ENPP1: variants seen among roughly 807,000 people sequenced by gnomAD.
ENPP1 encodes ectonucleotide pyrophosphatase/phosphodiesterase family member 1.
In ENPP1, 73 loss-of-function variants were observed where a neutral mutation model predicts 122.8. That is an observed-to-expected ratio of 0.59 (90% CI 0.49 to 0.72). ENPP1 has a LOEUF of 0.72. ENPP1 is among the 30% of genes least tolerant of loss of function. ENPP1 has a pLI of 0.00. For missense variants in ENPP1, 978 were observed against 1,128.1 expected (o/e 0.87, Z 1.91); for synonymous variants, 367 against 391.6 (o/e 0.94, Z 0.74).
At chr6:131,884,865 T>C in intron 22 of ENPP1, 66 bp from the exon 23 acceptor site, 1 of 1,549,882 alleles carries the variant, frequency 6.5e-7, no homozygotes, top group Non-Finnish European at 8.9e-7. Flanking sequence ...ATGGTGTTAA[T>C]TTATTTCACA....
intron 1 of ENPP1, chr6:131,828,013 G>T: frequency 1.5e-6 from 1 of 686,028 alleles, no homozygotes; most frequent in Non-Finnish European, 2.7e-6. Context: ...ATAAGTTGCT[G>T]CAGGCTGCAA....
At chr6:131,886,473 A>G (rs1204966484) in intron 23 of ENPP1, 89 bp from the exon 24 acceptor site, 6 of 935,372 alleles carry the variant, frequency 6.4e-6, no homozygotes, top group South Asian at 3.0e-5. Context: ...TTTGATTTTT[A>G]TATGTATTAA....
chr6:131,889,226 A>T (rs1006583385), intron 24 of ENPP1, among the ~76,000 whole-genome samples: 3 of 152,184 alleles, frequency 2.0e-5, no homozygotes, highest in African/African-American at 4.8e-5. Flanking sequence ...CTTTTAAAAA[A>T]ATTTTCAACT....
At chr6:131,855,088 T>C in intron 6 of ENPP1, 65 bp downstream of exon 6, 1 of 1,191,024 alleles carries the variant, frequency 8.4e-7, no homozygotes, top group Non-Finnish European at 1.3e-6. Flanking sequence ...AGGCAGGCAG[T>C]CTTTCTTGGA....
chr6:131,861,560 A>T, intron 8 of ENPP1, 35 bp from the exon 9 acceptor site: 1 of 1,284,324 alleles, frequency 7.8e-7, no homozygotes, highest in Non-Finnish European at 1.1e-6. Context: ...GAATGTTTGC[A>T]TGATTTCTTA....
rs1385114650 is a variant in ENPP1, at chr6:131,872,147, T to A, written c.1437+46T>A. 1.2e-5 allele frequency: 16 copies of A among 1,294,328 alleles called. No homozygotes were observed. The Admixed American group carries it at 2.5e-4, about 20-fold the overall frequency. The allele number at this position is 1,294,328 out of a possible 1,614,324, so 80.2% of individuals were successfully genotyped here. A position where few individuals can be genotyped will look rare whatever the true frequency, so the allele number is the denominator to read the frequency against. ...TTATCTAGTTATTTTTACTTTTGTA[T>A]AATATATATTGAGAGAAAAGTTTCA... On this transcript the variant is annotated intron_variant, in intron 14 of 24. Coordinates refer to ENST00000647893, the MANE Select transcript of ENPP1 (RefSeq NM_006208.3).
intron 24 of ENPP1, 110 bp from the exon 25 acceptor site, chr6:131,890,231 A>G (rs1782449593): frequency 2.3e-6 from 2 of 876,998 alleles, no homozygotes; most frequent in African/African-American, 1.7e-5. Flanking sequence ...GGCACGTTCC[A>G]CTTCAGAGCT....
At chr6:131,858,404 G>A (rs1781976449) in intron 6 of ENPP1, among the ~76,000 whole-genome samples, 2 of 152,144 alleles carry the variant, frequency 1.3e-5, no homozygotes, top group Admixed American at 6.5e-5. Flanking sequence ...ATTATAACTT[G>A]TTCATCTTGA....
At chr6:131,840,540 C>T (rs1418998776) in intron 1 of ENPP1, among the ~76,000 whole-genome samples, 2 of 152,210 alleles carry the variant, frequency 1.3e-5, no homozygotes, top group African/African-American at 4.8e-5. Context: ...ACCCTATGCC[C>T]TCGTCACCAA....
At chr6:131,818,782 C>T (rs1347444641) in intron 1 of ENPP1, among the ~76,000 whole-genome samples, 1 of 152,090 alleles carries the variant, frequency 6.6e-6, no homozygotes, top group African/African-American at 2.4e-5. Context: ...GTACTGTTTT[C>T]TAGAGGAAAA....
intron 2 of ENPP1, among the ~76,000 whole-genome samples, chr6:131,848,114 A>G (rs1256778381): frequency 6.6e-6 from 1 of 152,156 alleles, no homozygotes; most frequent in Non-Finnish European, 1.5e-5. Flanking sequence ...CCAGGGACTC[A>G]GAGGACATTC....
chr6:131,882,970 G>A (rs975553966), intron 21 of ENPP1, among the ~76,000 whole-genome samples: 13 of 152,054 alleles, frequency 8.5e-5, no homozygotes, highest in African/African-American at 1.9e-4. Context: ...AAGAAAATGC[G>A]TTTGTCAGAG....
intron 24 of ENPP1, among the ~76,000 whole-genome samples, chr6:131,888,505 G>C (rs548169391): frequency 6.6e-6 from 1 of 152,130 alleles, no homozygotes; most frequent in East Asian, 1.9e-4. Flanking sequence ...CTCTTCTCTG[G>C]GCCCAAGAGT....
chr6:131,835,595 CATGTGCAGA>C (rs1160673870), intron 1 of ENPP1, among the ~76,000 whole-genome samples: 1 of 151,774 alleles, frequency 6.6e-6, no homozygotes, highest in African/African-American at 2.4e-5. Flanking sequence ...TTCAGTGGTA[CATGTGCAGA>C]ATGTGCAGGT....
In ENPP1 at chr6:131,851,198, C is replaced by G. The variant is rs748847180; in HGVS notation, c.487C>G (p.Leu163Val). 1 of 1,614,042 alleles carries G rather than the reference C, an allele frequency of 6.2e-7. No individual in the cohort carries two copies. The highest frequency in any genetic ancestry group is 8.5e-7 in the Non-Finnish European group (1 of 1,179,932). The stretch of plus-strand genomic sequence containing the variant: ...TGGTGAGAAAAGGTTGACCAGAAGC[C>G]TCTGTGCCTGTTCAGATGACTGCAA... ...RCGEKRLTRS[L>V]CACSDDCKDK... The change falls in exon 4 of 25, where the codon CTC (leucine) becomes GTC (valine). Residue 163 changes from leucine (L) to valine (V), a missense_variant. This residue lies in a region of ENPP1 where 330 missense variants were observed against 328.5 expected (regional missense o/e 1.00). Coordinates refer to ENST00000647893, the MANE Select transcript of ENPP1 (RefSeq NM_006208.3).
At chr6:131,863,672 T>C (rs1264303432) in intron 9 of ENPP1, among the ~76,000 whole-genome samples, 1 of 151,356 alleles carries the variant, frequency 6.6e-6, no homozygotes, top group Admixed American at 6.6e-5. Flanking sequence ...CCCAGCACTT[T>C]GGAAGGCTGA....
intron 1 of ENPP1, among the ~76,000 whole-genome samples, chr6:131,823,776 C>G (rs1368825194): frequency 6.6e-6 from 1 of 152,030 alleles, no homozygotes; most frequent in African/African-American, 2.4e-5. Context: ...ACCCTGGAGC[C>G]AGAGTGCTGG....
At chr6:131,862,035 G>T (rs1782030425) in intron 9 of ENPP1, among the ~76,000 whole-genome samples, 1 of 152,084 alleles carries the variant, frequency 6.6e-6, no homozygotes, top group Non-Finnish European at 1.5e-5. Context: ...CAGGCGTGAT[G>T]GCGGGCGCCT....
intron 2 of ENPP1, among the ~76,000 whole-genome samples, chr6:131,849,547 T>C (rs967286313): frequency 1.3e-5 from 2 of 152,196 alleles, no homozygotes; most frequent in Non-Finnish European, 2.9e-5. Flanking sequence ...AATCTTTTCC[T>C]TTCTAAAATA....
Sources: allele counts gnomAD v4.1 joint callset (sites outside exome capture counted in the v4.1 genomes callset), GRCh38; gene constraint gnomAD v4.1.1; regional missense constraint gnomAD v4.1.1; transcripts MANE v1.5; gene names NCBI Gene and HGNC (gene_info 2026-07-23, HGNC 2026-07-21).